The following FERMT3 variants were observed in gnomAD, a reference collection of about 807,000 sequenced individuals.
FERMT3 encodes the protein fermitin family homolog 3.
FERMT3 carries 33 observed loss-of-function variants against 80.8 expected under a neutral mutation model. The observed-to-expected ratio is 0.41, with a 90% CI of 0.31 to 0.55. The LOEUF (loss-of-function observed/expected upper bound fraction) is 0.55. Among genes scored for constraint, FERMT3 ranks in the 20% least tolerant of loss-of-function variants. The probability of loss-of-function intolerance (pLI) is 0.31; values close to 1 mark genes in which losing one functional copy is unlikely to be tolerated. For synonymous variants in FERMT3, 375 were observed against 372.2 expected, an observed-to-expected ratio of 1.01 and a Z score of -0.09; for missense variants, 754 against 908.7, an observed-to-expected ratio of 0.83 and a Z score of 2.19.
rs773550225 is a variant in FERMT3, at chr11:64,207,417, T to C, written c.53T>C (p.Leu18Pro). Reference protein sequence around the residue: ...SGDYIDSSWELRVFVGEEDPE... With the variant: ...SGDYIDSSWEPRVFVGEEDPE... ...GACTACATCGACTCGTCATGGGAGC[T>C]GCGGGTGTTTGTGGGAGAGGAGGAC... Residue 18 changes from leucine (L) to proline (P), a missense_variant, in exon 2 of 15, where the codon CTG becomes CCG. By Grantham distance (98) the Leu-to-Pro change is moderately conservative. Coordinates refer to ENST00000345728, the MANE Select transcript of FERMT3 (RefSeq NM_031471.6). 6.2e-7 allele frequency: 1 copy of C among 1,614,090 alleles called. No individual in the cohort carries two copies. The highest frequency in any genetic ancestry group is 2.2e-5 in the East Asian group (1 of 44,874).
chr11:64,216,795 CAA>C (rs756054156), intron 6 of FERMT3, among the ~76,000 whole-genome samples: 24 of 35,194 alleles, frequency 6.8e-4, no homozygotes, highest in African/African-American at 1.4e-3. Flanking sequence ...GACTCCATCT[CAA>C]AAAAAAAAAA....
At position 64,210,925 on chromosome 11, in the gene FERMT3, T is replaced by C; in HGVS notation, c.394+81T>C. On this transcript the variant is annotated intron_variant, in intron 3 of 14. Coordinates refer to ENST00000345728, the MANE Select transcript of FERMT3 (RefSeq NM_031471.6). The surrounding 1 kb of genome is among the most constrained non-coding windows in gnomAD (Gnocchi z 4.3). ...CCCCCGTTTCCAGGCCCAGCTCTGT[T>C]GACGCTGTCCTTGCTGTCTGGGTTG... The C allele has an allele frequency of 6.2e-7, 1 of 1,608,902 alleles. No individual in the cohort carries two copies. The highest frequency in any genetic ancestry group is 8.5e-7 in the Non-Finnish European group (1 of 1,178,158).
In FERMT3 at chr11:64,221,076, C is replaced by T; in HGVS notation, c.1606C>T (p.Gln536Ter). 1 of 1,612,534 alleles carries T rather than the reference C, an allele frequency of 6.2e-7. No homozygotes were observed. Among genetic ancestry groups the T allele is most frequent in the African/African-American group, 1.3e-5 (1 of 75,086 alleles). ...GGCCCAGTTGTCGCTGGCAGAGGCC[C>T]AGCTGCGCTTCATCCAGGCCTGGCA... ...NVAQLSLAEAQLRFIQAWQSL... is the reference protein window; with the variant it reads ...NVAQLSLAEA The change falls in exon 13 of 15, where the codon CAG becomes TAG. Residue 536 changes from glutamine (Q) to a stop codon, truncating the protein, a stop_gained. Coordinates refer to ENST00000345728, the MANE Select transcript of FERMT3 (RefSeq NM_031471.6). LOFTEE classifies it high-confidence loss of function.
intron 12 of FERMT3, 153 bp from the exon 13 acceptor site, chr11:64,220,863 C>T: frequency 1.4e-6 from 2 of 1,447,570 alleles, no homozygotes. Flanking sequence ...ACCTTGCAGC[C>T]TGGCGCAGTG....
Position 64,211,002 on chromosome 11 carries a change from G to A in FERMT3, c.395-50G>A, listed in dbSNP as rs113702256. 1 of 1,608,286 alleles carries A rather than the reference G, an allele frequency of 6.2e-7. No homozygotes were observed. The highest frequency in any genetic ancestry group is 8.5e-7 in the Non-Finnish European group (1 of 1,177,812). On this transcript the variant is annotated intron_variant, in intron 3 of 14. Coordinates refer to ENST00000345728, the MANE Select transcript of FERMT3 (RefSeq NM_031471.6). The surrounding 1 kb of genome is among the most constrained non-coding windows in gnomAD (Gnocchi z 4.7). ...GCCCCAAGCACCCATGGGTGAGGTG[G>A]GGAGGCTGCAGCAGGACCTAGTCCC...
intron 1 of FERMT3, among the ~76,000 whole-genome samples, 198 bp from the exon 2 acceptor site, chr11:64,207,153 G>A (rs1199829681): frequency 6.6e-6 from 1 of 152,244 alleles, no homozygotes; most frequent in East Asian, 1.9e-4. Context: ...TGGTCTCTGA[G>A]GGCCCTCGCG....
chr11:64,218,825 T>G (rs933211152), intron 6 of FERMT3, among the ~76,000 whole-genome samples: 4 of 152,200 alleles, frequency 2.6e-5, no homozygotes, highest in African/African-American at 9.7e-5. Flanking sequence ...CAGGGAAGCC[T>G]TCCCTGACTG....
At chr11:64,207,619 C>T (rs1946341921) in intron 2 of FERMT3, 95 bp downstream of exon 2, 6 of 1,436,878 alleles carry the variant, frequency 4.2e-6, no homozygotes, top group Non-Finnish European at 9.4e-7. Flanking sequence ...TGCTCAGCTC[C>T]CGATAATGGT....
intron 13 of FERMT3, among the ~76,000 whole-genome samples, chr11:64,222,190 G>A (rs1320106708): frequency 6.6e-6 from 1 of 151,488 alleles, no homozygotes; most frequent in African/African-American, 2.4e-5. Flanking sequence ...AGTGAGCCGA[G>A]ATTGTGCCAC....
At position 64,219,570 on chromosome 11, in the gene FERMT3, C is replaced by T. The variant is rs566565776; in HGVS notation, c.941C>T (p.Ala314Val). 20 of 1,612,296 alleles carry T rather than the reference C, an allele frequency of 1.2e-5. No individual in the cohort carries two copies. In the South Asian group the frequency reaches 2.0e-4, roughly 16 times the overall value. The change falls in exon 8 of 15, where the codon GCT becomes GTT. Residue 314 changes from alanine to valine, a missense_variant. Coordinates refer to ENST00000345728, the MANE Select transcript of FERMT3 (RefSeq NM_031471.6). This position sits in a 1 kb window ranked among gnomAD's most constrained non-coding sequence, Gnocchi z 4.0. ...CAGAGCGGGGAGGTGGGGGAGCCGG[C>T]TGGCACAGACCCAGGGCTGGACGAC... ...LSQSGEVGEP[A>V]GTDPGLDDLD...
chr11:64,218,896 CAT>C (rs35717000), intron 6 of FERMT3, among the ~76,000 whole-genome samples: 5,796 of 152,298 alleles, frequency 0.038, 367 homozygotes, highest in African/African-American at 0.13. Flanking sequence ...ACTGAGGGCT[CAT>C]GTGAGCTTCC....
chr11:64,223,525 C>T lies in FERMT3; in HGVS notation c.*33C>T. On this transcript the variant is annotated 3_prime_UTR_variant, in exon 15 of 15. Transcript: ENST00000345728. ...CTGATTGCCCCTGCCCTGCTCACCACCCTGTCACAGCCACTCCCAAGCCCA... is the reference window on the plus strand; with the variant it reads ...CTGATTGCCCCTGCCCTGCTCACCATCCTGTCACAGCCACTCCCAAGCCCA... 2.1e-6 allele frequency: 1 copy of T among 472,534 alleles called. No homozygotes were observed. The highest frequency in any genetic ancestry group is 2.7e-6 in the Non-Finnish European group (1 of 374,926). 29.3% of individuals were successfully genotyped at this position (472,534 alleles called of 1,614,324 possible). A position where few individuals can be genotyped will look rare whatever the true frequency, so the allele number is the denominator to read the frequency against.
intron 13 of FERMT3, 30 bp downstream of exon 13, chr11:64,221,170 G>T: frequency 6.2e-7 from 1 of 1,600,224 alleles, no homozygotes. Flanking sequence ...CCCCTGCCCA[G>T]CACCGTCTCT....
At chr11:64,217,561 AT>A (rs1946578330) in intron 6 of FERMT3, among the ~76,000 whole-genome samples, 1 of 151,828 alleles carries the variant, frequency 6.6e-6, no homozygotes, top group African/African-American at 2.4e-5. Flanking sequence ...AAAAAAAAAA[AT>A]TGTCTGTTTT....
chr11:64,213,841 C>T (rs904339403), intron 6 of FERMT3, among the ~76,000 whole-genome samples: 2 of 152,146 alleles, frequency 1.3e-5, no homozygotes, highest in South Asian at 2.1e-4. Flanking sequence ...GGATTACAGG[C>T]GTGAGCCACG....
chr11:64,207,485 C>T lies in FERMT3; in HGVS notation c.121C>T (p.His41Tyr), dbSNP rs1297911127. 1.2e-6 allele frequency: 2 copies of T among 1,613,618 alleles called. No homozygotes were observed. Among genetic ancestry groups the T allele is most frequent in the Non-Finnish European group, 1.7e-6 (2 of 1,179,808 alleles). Residue 41 changes from histidine to tyrosine, a missense_variant, in exon 2 of 15, where the codon CAC becomes TAC. Transcript: ENST00000345728. ...CACCCTGCGGGTCACTGGGGAGTCG[C>T]ACATCGGCGGGGTGCTCCTGAAGAT... is the stretch of plus-strand genomic sequence containing the variant. ...SVTLRVTGES[H>Y]IGGVLLKIVE...
chr11:64,216,041 A>G (rs1946541790), intron 6 of FERMT3, among the ~76,000 whole-genome samples: 1 of 152,022 alleles, frequency 6.6e-6, no homozygotes, highest in Non-Finnish European at 1.5e-5. Flanking sequence ...TATGTTGGTC[A>G]GGCTGGTCTC....
At chr11:64,218,184 T>C (rs887617639) in intron 6 of FERMT3, among the ~76,000 whole-genome samples, 10 of 151,928 alleles carry the variant, frequency 6.6e-5, no homozygotes, top group African/African-American at 2.2e-4. Flanking sequence ...TTTTGTATTA[T>C]TAGTAGAGAC....
At chr11:64,208,562 T>G (rs573891021) in intron 2 of FERMT3, among the ~76,000 whole-genome samples, 1 of 152,204 alleles carries the variant, frequency 6.6e-6, no homozygotes, top group African/African-American at 2.4e-5. Flanking sequence ...GTCCCTGGCC[T>G]CCTGGAGCAG....
Sources: allele counts gnomAD v4.1 joint callset (sites outside exome capture counted in the v4.1 genomes callset), GRCh38; gene constraint gnomAD v4.1.1; non-coding constraint Gnocchi (gnomAD v3.1); transcripts MANE v1.5; gene names NCBI Gene and HGNC (gene_info 2026-07-23, HGNC 2026-07-21).